PBX1: variants seen among roughly 807,000 people sequenced by gnomAD.
PBX1 encodes the protein pre-B-cell leukemia transcription factor 1.
PBX1 carries 6 observed loss-of-function variants against 53.4 expected under a neutral mutation model. The ratio of observed to expected loss-of-function variants is 0.11; its 90% CI spans 0.06 to 0.22. The LOEUF (loss-of-function observed/expected upper bound fraction) is 0.22, where lower values mean the gene tolerates loss of function less well. Among genes scored for constraint, PBX1 ranks in the 10% least tolerant of loss-of-function variants. The probability of loss-of-function intolerance (pLI) is 1.00; values close to 1 mark genes in which losing one functional copy is unlikely to be tolerated. For synonymous variants in PBX1, 204 were observed against 212.3 expected (o/e 0.96, Z 0.34); for missense variants, 251 against 551.4 (o/e 0.46, Z 5.46).
chr1:164,881,324 GGAGGAAAA>G (rs1672642890), intron 2 of PBX1, among the ~76,000 whole-genome samples: 1 of 100,948 alleles, frequency 9.9e-6, no homozygotes, highest in African/African-American at 3.5e-5. Context: ...AAGGAAGGAA[GGAGGAAAA>G]GAAGGAAGGA....
chr1:164,821,433 A>C, intron 7 of PBX1, 104 bp from the exon 8 acceptor site: 2 of 855,718 alleles, frequency 2.3e-6, no homozygotes, highest in Non-Finnish European at 4.0e-6. Context: ...AAATGATTGC[A>C]TTAATATGGC....
At chr1:164,605,417 C>G (rs1159125487) in intron 2 of PBX1, 1 of 152,080 alleles carries the variant, frequency 6.6e-6, no homozygotes, top group Non-Finnish European at 1.5e-5. Context: ...TAGGGACAGC[C>G]TGGTGAGTTT....
intron 2 of PBX1, among the ~76,000 whole-genome samples, chr1:164,720,042 C>T (rs775858769): frequency 6.6e-6 from 1 of 152,158 alleles, no homozygotes; most frequent in African/African-American, 2.4e-5. Flanking sequence ...GAAAATACTT[C>T]CCTACATTTT....
chr1:164,600,784 C>A (rs1198719388), intron 2 of PBX1, among the ~76,000 whole-genome samples: 1 of 152,208 alleles, frequency 6.6e-6, no homozygotes, highest in Non-Finnish European at 1.5e-5. Context: ...AGTGGTCAAG[C>A]CATCTCAGAC....
chr1:164,683,028 G>C (rs958317563), intron 2 of PBX1: 10 of 152,210 alleles, frequency 6.6e-5, no homozygotes, highest in Admixed American at 4.6e-4. Flanking sequence ...GCAGAGGATG[G>C]AGGGAAAGAA....
intron 2 of PBX1, among the ~76,000 whole-genome samples, chr1:164,881,500 C>T (rs1004607305): frequency 5.5e-5 from 8 of 146,544 alleles, no homozygotes; most frequent in Non-Finnish European, 1.0e-4. Flanking sequence ...CTCTCCCCAT[C>T]GTATAAATGC....
intron 2 of PBX1, among the ~76,000 whole-genome samples, chr1:164,658,166 CAAAAA>C (rs5778403): frequency 7.2e-6 from 1 of 138,462 alleles, no homozygotes; most frequent in Non-Finnish European, 1.6e-5. Context: ...AAATGAGGTA[CAAAAA>C]AAAAAAAAAA....
chr1:164,759,371 C>G (rs914502631), intron 2 of PBX1, among the ~76,000 whole-genome samples: 3 of 152,138 alleles, frequency 2.0e-5, no homozygotes, highest in African/African-American at 7.2e-5. Context: ...AACATAGATT[C>G]CCAGGGGGTG....
chr1:164,623,060 G>A (rs1186875732), intron 2 of PBX1, among the ~76,000 whole-genome samples: 2 of 152,084 alleles, frequency 1.3e-5, no homozygotes, highest in African/African-American at 2.4e-5. Flanking sequence ...TGATCCACCT[G>A]CCTCGGCCTC....
chr1:164,861,756 A>T lies in PBX1; in HGVS notation n.257+30273A>T, dbSNP rs78231266. ...TTGACTAAAAAGGTGATTTTGAGCAAGCTGTGGAAGGAATAAGGAAATAAA... is the reference window on the plus strand; with the variant it reads ...TTGACTAAAAAGGTGATTTTGAGCATGCTGTGGAAGGAATAAGGAAATAAA... On this transcript the variant is annotated intron_variant and non_coding_transcript_variant, in intron 2 of 2. Transcript: ENST00000558796. Among the ~76,000 whole-genome samples, 33 of 152,332 alleles carry T rather than the reference A, an allele frequency of 2.2e-4. 1 individual carries two copies. In the East Asian group the frequency reaches 6.2e-3, roughly 29 times the overall value.
At chr1:164,766,982 C>G (rs1458652858) in intron 2 of PBX1, among the ~76,000 whole-genome samples, 1 of 151,210 alleles carries the variant, frequency 6.6e-6, no homozygotes, top group African/African-American at 2.4e-5. Context: ...CCCGCCTCAG[C>G]CTCCCAAAGT....
At position 164,877,619 on chromosome 1, in the gene PBX1, C is replaced by T. The variant is rs148231736; in HGVS notation, n.258-21569C>T. On this transcript the variant is annotated intron_variant and non_coding_transcript_variant, in intron 2 of 2. Coordinates refer to the PBX1 transcript ENST00000558796. Reference sequence around the variant, plus strand: ...CAGAGGTTGCAGTGAGCTGAGATCGCGCCACTGCACTCCAACTTGGGCATT... The same window carrying T: ...CAGAGGTTGCAGTGAGCTGAGATCGTGCCACTGCACTCCAACTTGGGCATT... Among the ~76,000 whole-genome samples, 806 of 151,898 alleles carry T rather than the reference C, an allele frequency of 5.3e-3. 10 individuals are homozygous for T. The highest frequency in any genetic ancestry group is 0.018 in the African/African-American group (766 of 41,412).
At chr1:164,621,578 C>T (rs1657681806) in intron 2 of PBX1, among the ~76,000 whole-genome samples, 1 of 152,098 alleles carries the variant, frequency 6.6e-6, no homozygotes. Context: ...TTTCATAAGC[C>T]ACACAAGGCT....
intron 2 of PBX1, among the ~76,000 whole-genome samples, chr1:164,874,659 A>G (rs1672462546): frequency 6.6e-6 from 1 of 152,006 alleles, no homozygotes; most frequent in South Asian, 2.1e-4. Context: ...ACGCCCAGCT[A>G]ATTTTTGTAT....
At chr1:164,637,885 C>T (rs6694136) in intron 2 of PBX1, among the ~76,000 whole-genome samples, 9,679 of 152,212 alleles carry the variant, frequency 0.064, 1,014 homozygotes, top group African/African-American at 0.22. Flanking sequence ...AAGCTTCTTA[C>T]TCATCTCTCT....
chr1:164,657,509 A>G (rs1356376910), intron 2 of PBX1: 1 of 152,224 alleles, frequency 6.6e-6, no homozygotes, highest in African/African-American at 2.4e-5. Flanking sequence ...ATAATTTTAC[A>G]TTCTAGCAGA....
intron 2 of PBX1, among the ~76,000 whole-genome samples, chr1:164,577,548 A>G (rs951140666): frequency 2.0e-5 from 3 of 152,004 alleles, no homozygotes; most frequent in Admixed American, 6.6e-5. Flanking sequence ...ATATTACTTT[A>G]TTTTTCTTCT....
intron 6 of PBX1, chr1:164,814,238 T>C (rs185850218): frequency 6.6e-6 from 1 of 152,208 alleles, no homozygotes; most frequent in Non-Finnish European, 1.5e-5. Flanking sequence ...AAGGTGTTTA[T>C]TATGTTATGT....
intron 7 of PBX1, 101 bp downstream of exon 7, chr1:164,820,285 C>A (rs974825396): frequency 2.5e-5 from 18 of 710,918 alleles, no homozygotes; most frequent in Non-Finnish European, 4.4e-5. Context: ...GAGAGAAAAA[C>A]AGATCAGAAC....
Sources: allele counts gnomAD v4.1 joint callset (sites outside exome capture counted in the v4.1 genomes callset), GRCh38; gene constraint gnomAD v4.1.1; transcripts MANE v1.5; gene names NCBI Gene and HGNC (gene_info 2026-07-23, HGNC 2026-07-21).